The following MRE11 variants were observed in gnomAD, a reference collection of about 807,000 sequenced individuals.
MRE11 encodes the protein double-strand break repair protein MRE11.
MRE11 carries 62 observed loss-of-function variants against 91.7 expected under a neutral mutation model. That is an observed-to-expected ratio of 0.68 (90% confidence interval 0.55 to 0.84). The LOEUF is 0.84. Ranked by LOEUF, MRE11 falls within the 40% of genes least tolerant of loss-of-function variation. MRE11 has a pLI of 0.00. For missense variants in MRE11, 796 were observed against 852.9 expected (o/e 0.93, Z 0.83); for synonymous variants, 273 against 271.4 (o/e 1.01, Z -0.06).
At chr11:94,449,805 A>G (rs1258883266) in intron 14 of MRE11, among the ~76,000 whole-genome samples, 1 of 152,236 alleles carries the variant, frequency 6.6e-6, no homozygotes, top group East Asian at 1.9e-4. Flanking sequence ...AGGCAATTAT[A>G]ACACCATAGC....
chr11:94,461,335 C>T (rs1946408051), intron 11 of MRE11, among the ~76,000 whole-genome samples: 1 of 152,176 alleles, frequency 6.6e-6, no homozygotes, highest in Non-Finnish European at 1.5e-5. Context: ...GTCAAAAATA[C>T]TTTCATAATA....
chr11:94,498,518 T>G, upstream of MRE11: 1 of 1,612,578 alleles, frequency 6.2e-7, no homozygotes, highest in Non-Finnish European at 8.5e-7. Flanking sequence ...TACAAATTCT[T>G]CACCTCAGTC....
At chr11:94,435,796 T>C in intron 18 of MRE11, 36 bp downstream of exon 18, 1 of 1,568,410 alleles carries the variant, frequency 6.4e-7, no homozygotes, top group East Asian at 2.2e-5. Flanking sequence ...TTAATTTTTT[T>C]CAGATGTTTC....
At chr11:94,500,835 C>T in the MRE11 span, among the ~76,000 whole-genome samples, 1 of 152,250 alleles carries the variant, frequency 6.6e-6, no homozygotes, top group East Asian at 1.9e-4. Flanking sequence ...ATTATGTTAT[C>T]TAACACTATG....
the MRE11 span, among the ~76,000 whole-genome samples, chr11:94,506,031 C>T: frequency 4.8e-3 from 737 of 152,294 alleles, 7 homozygotes; most frequent in African/African-American, 0.017. Flanking sequence ...TGTGTAAGTG[C>T]ATTCTGATAT....
chr11:94,417,133 T>C lies in MRE11; in HGVS notation c.*2992A>G, dbSNP rs778842426. On this transcript the variant is annotated 3_prime_UTR_variant, in exon 20 of 20. Coordinates refer to ENST00000323929, the MANE Select transcript of MRE11 (RefSeq NM_005591.4). The stretch of plus-strand genomic sequence containing the variant: ...CTAAGATTACAGGCACACACCACCA[T>C]GCCCAGCTAATCTTTTGTATTTTTA... 1.4e-4 allele frequency: 23 copies of C among 159,434 alleles called. No homozygotes were observed. Among genetic ancestry groups the C allele is most frequent in the Admixed American group, 6.5e-4 (10 of 15,436 alleles). 9.9% of individuals were successfully genotyped at this position (159,434 alleles called of 1,614,324 possible).
rs142407545 is a variant in MRE11 at position 94,419,497 on chromosome 11, C to T, written c.*628G>A. On this transcript the variant is annotated 3_prime_UTR_variant, in exon 20 of 20. Transcript: ENST00000323929. ...GAGAGAGAGAGAGAGAGAGAGAGAA[C>T]ACCATTAAGGATACAGAATAATAAA... The T allele has an allele frequency of 2.7e-3, 465 of 171,250 alleles. 2 individuals are homozygous for T. Among genetic ancestry groups the T allele is most frequent in the African/African-American group, 0.014 (429 of 31,740 alleles). 10.6% of individuals were successfully genotyped at this position (171,250 alleles called of 1,614,324 possible).
rs192881613 is a variant in MRE11 at position 94,418,336 on chromosome 11, G to A, written c.*1789C>T. 6 of 232,932 alleles carry A rather than the reference G, an allele frequency of 2.6e-5. No homozygotes were observed. Among genetic ancestry groups the A allele is most frequent in the Middle Eastern group, 1.3e-3 (1 of 784 alleles). The allele number at this position is 232,932 out of a possible 1,614,324, so 14.4% of individuals were successfully genotyped here. ...CTGCTATGTCATCACTTTCCTTAGC[G>A]GTGAACTGAATCGCATTTAGTACCT... On this transcript the variant is annotated 3_prime_UTR_variant, in exon 20 of 20. Coordinates refer to ENST00000323929, the MANE Select transcript of MRE11 (RefSeq NM_005591.4).
Position 94,460,970 on chromosome 11 carries a change from TCTTCTACCCTTAAAGTTGTTC to T in MRE11, c.1271_1291del (p.Gly424_Glu430del). The T allele has an allele frequency of 6.2e-7, 1 of 1,613,886 alleles. No individual in the cohort carries two copies. Among genetic ancestry groups the T allele is most frequent in the Non-Finnish European group, 8.5e-7 (1 of 1,179,962 alleles). ...GGTTTGAAAGTACTGTTTTACAAGA[TCTTCTACCCTTAAAGTTGTTC>T]CTTCTGAAGGCTTTGTGATAAGTTT... On this transcript the variant is annotated inframe_deletion, in exon 12 of 20. Coordinates refer to ENST00000323929, the MANE Select transcript of MRE11 (RefSeq NM_005591.4).
intron 15 of MRE11, among the ~76,000 whole-genome samples, chr11:94,446,845 T>C (rs944802313): frequency 6.6e-6 from 1 of 152,224 alleles, no homozygotes; most frequent in Non-Finnish European, 1.5e-5. Flanking sequence ...ATCTGGAGTT[T>C]TCCTCCTGTT....
rs1565220178 is a variant in MRE11 at position 94,459,403 on chromosome 11, CT to C, written c.1500+4del. ...TAGACCTAGACACTCAAATTAGTTA[CT>C]TACCTCCTCATCGATTTTGTCTTCG... On this transcript the variant is annotated splice_donor_region_variant and intron_variant, in intron 13 of 19. Transcript: ENST00000323929. 1 of 1,613,780 alleles carries C rather than the reference CT, an allele frequency of 6.2e-7. No homozygotes were observed. The highest frequency in any genetic ancestry group is 1.1e-5 in the South Asian group (1 of 91,074).
the MRE11 span, among the ~76,000 whole-genome samples, chr11:94,511,507 G>C: frequency 2.0e-5 from 3 of 152,208 alleles, no homozygotes; most frequent in African/African-American, 7.2e-5. Context: ...TCTATAATGG[G>C]AGTATAAAGG....
upstream of MRE11, chr11:94,498,559 T>C (rs556700863): frequency 1.3e-6 from 2 of 1,559,066 alleles, no homozygotes; most frequent in African/African-American, 2.7e-5. Context: ...CCTAAGTTTC[T>C]AAATACCAGT....
chr11:94,423,002 C>G (rs532797302), intron 19 of MRE11, among the ~76,000 whole-genome samples: 1 of 152,124 alleles, frequency 6.6e-6, no homozygotes, highest in Non-Finnish European at 1.5e-5. Context: ...CATGAGCTAC[C>G]GCGCCCAGCC....
chr11:94,456,411 A>T, intron 13 of MRE11, 73 bp from the exon 14 acceptor site: 1 of 1,134,874 alleles, frequency 8.8e-7, no homozygotes, highest in South Asian at 1.3e-5. Flanking sequence ...AGGGGCTACA[A>T]TTAAGAAATG....
chr11:94,449,038 C>A (rs938946479), intron 14 of MRE11, among the ~76,000 whole-genome samples: 1 of 152,186 alleles, frequency 6.6e-6, no homozygotes, highest in Non-Finnish European at 1.5e-5. Flanking sequence ...ATGTATAAAT[C>A]CCAAGAAGAC....
intron 9 of MRE11, among the ~76,000 whole-genome samples, chr11:94,468,183 C>A (rs1946617115): frequency 6.6e-6 from 1 of 152,112 alleles, no homozygotes; most frequent in Admixed American, 6.5e-5. Context: ...CCTCAGCTTA[C>A]CAACTTAAAA....
At chr11:94,484,652 A>G (rs939135730) in intron 4 of MRE11, among the ~76,000 whole-genome samples, 2 of 152,226 alleles carry the variant, frequency 1.3e-5, no homozygotes, top group Non-Finnish European at 2.9e-5. Context: ...CACCAGTGAT[A>G]AATCAGGTTG....
chr11:94,458,529 T>C (rs1946323629), intron 13 of MRE11, among the ~76,000 whole-genome samples: 1 of 152,168 alleles, frequency 6.6e-6, no homozygotes, highest in African/African-American at 2.4e-5. Context: ...TTCCCCACTA[T>C]GAACAACACT....
Sources: allele counts gnomAD v4.1 joint callset (sites outside exome capture counted in the v4.1 genomes callset), GRCh38; gene constraint gnomAD v4.1.1; transcripts MANE v1.5; gene names NCBI Gene and HGNC (gene_info 2026-07-23, HGNC 2026-07-21).